The following PPIP5K2 variants were observed in gnomAD, a reference collection of about 807,000 sequenced individuals.
PPIP5K2 encodes the protein diphosphoinositol pentakisphosphate kinase 2.
In PPIP5K2, 105 loss-of-function variants were observed where a neutral mutation model predicts 154.6. That is an observed-to-expected ratio of 0.68 (90% confidence interval 0.58 to 0.80). The LOEUF is 0.80. Ranked by LOEUF, PPIP5K2 falls within the 30% of genes least tolerant of loss-of-function variation. PPIP5K2 has a pLI of 0.00. For synonymous variants in PPIP5K2, 480 were observed against 490.3 expected, an observed-to-expected ratio of 0.98 and a Z score of 0.28; for missense variants, 992 against 1,504.6, an observed-to-expected ratio of 0.66 and a Z score of 5.64.
chr5:103,200,128 A>G (rs1554229768), intron 30 of PPIP5K2, among the ~76,000 whole-genome samples: 1 of 152,206 alleles, frequency 6.6e-6, no homozygotes, highest in African/African-American at 2.4e-5. Flanking sequence ...CTCAGATTGT[A>G]AAATATGGTG....
chr5:103,194,913 A>T lies in PPIP5K2; in HGVS notation c.3507A>T (p.Leu1169Phe). Reference protein sequence around the residue: ...RKTAEISSTALRSSPIMRKKV... With the variant: ...RKTAEISSTAFRSSPIMRKKV... ...ATTTTTTTTCAGCCTCTACAGCTTT[A>T]CGTTCCAGTCCAATAATGAGAAAAA... is the stretch of plus-strand genomic sequence containing the variant. Residue 1169 changes from leucine (L) to phenylalanine (F), a missense_variant, in exon 30 of 31, where the codon TTA (leucine) becomes TTT (phenylalanine). Coordinates refer to ENST00000358359, the MANE Select transcript of PPIP5K2 (RefSeq NM_001276277.3). 6.2e-7 allele frequency: 1 copy of T among 1,612,608 alleles called. No homozygotes were observed. The highest frequency in any genetic ancestry group is 8.5e-7 in the Non-Finnish European group (1 of 1,179,282).
chr5:103,148,241 C>A, intron 7 of PPIP5K2: 1 of 589,352 alleles, frequency 1.7e-6, no homozygotes, highest in Middle Eastern at 3.8e-4. Context: ...ATGCTTTAAA[C>A]ATGTAAGATT....
intron 4 of PPIP5K2, 97 bp downstream of exon 4, chr5:103,136,919 A>T (rs1791597151): frequency 3.6e-6 from 3 of 828,604 alleles, no homozygotes; most frequent in Non-Finnish European, 6.1e-6. Context: ...TTGCATTATT[A>T]ATTCATTGTA....
intron 24 of PPIP5K2, among the ~76,000 whole-genome samples, chr5:103,182,310 CT>C (rs1170633849): frequency 6.6e-6 from 1 of 152,176 alleles, no homozygotes; most frequent in East Asian, 1.9e-4. Flanking sequence ...AACAAAATCA[CT>C]GCCCTTGTTA....
At chr5:103,139,536 G>A (rs1025471218) in intron 5 of PPIP5K2, among the ~76,000 whole-genome samples, 9 of 152,272 alleles carry the variant, frequency 5.9e-5, no homozygotes, top group African/African-American at 2.2e-4. Context: ...TGAATATGTG[G>A]AAAGCTTTCT....
At chr5:103,123,388 A>G (rs1437184916) in intron 1 of PPIP5K2, among the ~76,000 whole-genome samples, 5 of 152,224 alleles carry the variant, frequency 3.3e-5, no homozygotes, top group Non-Finnish European at 7.3e-5. Context: ...GACGAGCAAC[A>G]TCAGCATCAC....
chr5:103,147,164 A>T (rs1352108477), intron 6 of PPIP5K2, among the ~76,000 whole-genome samples: 2 of 151,990 alleles, frequency 1.3e-5, no homozygotes, highest in Non-Finnish European at 2.9e-5. Context: ...AAGACCAAAC[A>T]TTGTTGGCAG....
intron 5 of PPIP5K2, among the ~76,000 whole-genome samples, chr5:103,144,166 AAG>A (rs1554208343): frequency 6.6e-6 from 1 of 152,072 alleles, no homozygotes; most frequent in Non-Finnish European, 1.5e-5. Flanking sequence ...TAAAAAAAAA[AAG>A]TAATCCCATT....
Position 103,183,362 on chromosome 5 carries a change from C to T in PPIP5K2, c.3051C>T (p.Pro1017=), listed in dbSNP as rs1554223789. ...GEQITSSPVS[P]KSLAFTSSIF... is the part of the protein sequence containing the mutation. ...AAATCACTTCTTCCCCTGTCTCCCC[C>T]AAATCATTGGCTTTCACATCCAGTA... The change falls in exon 25 of 31, where the codon CCC becomes CCT. Residue 1017 remains proline, a synonymous_variant. Transcript: ENST00000358359. 6.2e-7 allele frequency: 1 copy of T among 1,611,076 alleles called. No individual in the cohort carries two copies.
chr5:103,172,111 C>A (rs1194638893), intron 19 of PPIP5K2, among the ~76,000 whole-genome samples: 1 of 151,542 alleles, frequency 6.6e-6, no homozygotes, highest in African/African-American at 2.4e-5. Context: ...TCACATCTTG[C>A]TAATAACAAA....
At chr5:103,196,100 G>A (rs1167154770) in intron 30 of PPIP5K2, among the ~76,000 whole-genome samples, 4 of 152,100 alleles carry the variant, frequency 2.6e-5, no homozygotes, top group Admixed American at 6.6e-5. Context: ...TTATTATACT[G>A]TATCCAGTGT....
intron 5 of PPIP5K2, among the ~76,000 whole-genome samples, chr5:103,141,124 G>A (rs1457730769): frequency 1.3e-5 from 2 of 152,172 alleles, no homozygotes; most frequent in African/African-American, 4.8e-5. Flanking sequence ...ACGAGGTCAG[G>A]AGATCGAGAC....
chr5:103,145,406 A>G (rs998489980), intron 5 of PPIP5K2, among the ~76,000 whole-genome samples: 5 of 152,128 alleles, frequency 3.3e-5, no homozygotes, highest in Non-Finnish European at 7.4e-5. Flanking sequence ...GTATATGTCC[A>G]AAAAAGAGGA....
intron 3 of PPIP5K2, among the ~76,000 whole-genome samples, chr5:103,134,611 T>G (rs1583218136): frequency 6.6e-6 from 1 of 152,152 alleles, no homozygotes; most frequent in East Asian, 1.9e-4. Flanking sequence ...TCCTTGAGAG[T>G]AAAGCATTCT....
At chr5:103,200,442 A>G (rs547791878) in intron 30 of PPIP5K2, among the ~76,000 whole-genome samples, 1 of 151,248 alleles carries the variant, frequency 6.6e-6, no homozygotes, top group East Asian at 1.9e-4. Context: ...CTTATCTAGT[A>G]ACGGCCTGCT....
chr5:103,147,738 TAA>T lies in PPIP5K2; in HGVS notation c.643-192_643-191del, dbSNP rs141002575. Among the ~76,000 whole-genome samples the T allele has an allele frequency of 3.6e-3, 552 of 152,104 alleles. 2 individuals carry two copies. Among genetic ancestry groups the T allele is most frequent in the African/African-American group, 0.012 (517 of 41,564 alleles). On this transcript the variant is annotated intron_variant, in intron 6 of 30. Transcript: ENST00000358359. ...TTGTATTTCTATGTTCTCTAATATATAAGTTATGGTAACAATAGAGACTACTA... is the reference window on the plus strand; with the variant it reads ...TTGTATTTCTATGTTCTCTAATATATGTTATGGTAACAATAGAGACTACTA...
At position 103,159,335 on chromosome 5, in the gene PPIP5K2, C is replaced by G. The variant is rs1554214897; in HGVS notation, c.1920+7C>G. On this transcript the variant is annotated splice_region_variant and intron_variant, in intron 17 of 30. Coordinates refer to ENST00000358359, the MANE Select transcript of PPIP5K2 (RefSeq NM_001276277.3). ...TGCTGAAGATTATGAAAAGGTGGGT[C>G]TTAGCAAACTCTTATATTGTGAAAT... 1 of 1,594,112 alleles carries G rather than the reference C, an allele frequency of 6.3e-7. No homozygotes were observed.
At position 103,121,772 on chromosome 5, in the gene PPIP5K2, G is replaced by T. The variant is rs79624351; in HGVS notation, c.-285+1284G>T. On this transcript the variant is annotated intron_variant, in intron 1 of 30. Coordinates refer to ENST00000358359, the MANE Select transcript of PPIP5K2 (RefSeq NM_001276277.3). ...AAAATCAAAGGTTGCTGTTTTAAATGTTAAATTCATATGACTTTCAGAGTA... is the reference window on the plus strand; with the variant it reads ...AAAATCAAAGGTTGCTGTTTTAAATTTTAAATTCATATGACTTTCAGAGTA... 9.7e-3 allele frequency among the ~76,000 whole-genome samples: 1,481 copies of T among 152,312 alleles called. 9 individuals are homozygous for T. The highest frequency in any genetic ancestry group is 0.013 in the African/African-American group (524 of 41,574).
rs1050202330 is a variant in PPIP5K2, at chr5:103,137,672, T to C, written c.402-712T>C. Among the ~76,000 whole-genome samples, 3 of 152,204 alleles carry C rather than the reference T, an allele frequency of 2.0e-5. No homozygotes were observed. In the East Asian group the frequency reaches 5.8e-4, roughly 29 times the overall value. On this transcript the variant is annotated intron_variant, in intron 4 of 30. Coordinates refer to ENST00000358359, the MANE Select transcript of PPIP5K2 (RefSeq NM_001276277.3). ...CTATTTTCTTGTTTTACCATTACAA[T>C]ATGAGATTTTATGTGTATGAAAAAT...
Sources: gnomAD v4.1 joint callset for allele counts (sites outside exome capture counted in the v4.1 genomes callset) on GRCh38, gnomAD v4.1.1 for gene constraint, MANE v1.5 for transcripts, NCBI Gene and HGNC (gene_info 2026-07-23, HGNC 2026-07-21) for gene names.